The following TRIM5 variants were observed in gnomAD, a reference collection of about 807,000 sequenced individuals.
TRIM5 encodes tripartite motif-containing protein 5.
In TRIM5, 31 loss-of-function variants were observed where a neutral mutation model predicts 35.6. The ratio of observed to expected loss-of-function variants is 0.87; its 90% CI spans 0.65 to 1.18. The LOEUF (loss-of-function observed/expected upper bound fraction) is 1.18. Ranked by LOEUF, TRIM5 falls within the 50% of genes most tolerant of loss-of-function variation. The pLI, the probability that TRIM5 is intolerant of heterozygous loss-of-function variation, is 0.00. For missense variants in TRIM5, 609 were observed against 591.6 expected, an observed-to-expected ratio of 1.03 and a Z score of -0.31; for synonymous variants, 243 against 215.6, an observed-to-expected ratio of 1.13 and a Z score of -1.11.
At chr11:5,599,377 A>G in the TRIM5 span, among the ~76,000 whole-genome samples, 1 of 134,702 alleles carries the variant, frequency 7.4e-6, no homozygotes. Context: ...TACCAATACA[A>G]TTATTATATT....
At chr11:5,605,371 CAG>C in the TRIM5 span, 3 of 1,614,152 alleles carry the variant, frequency 1.9e-6, no homozygotes, top group African/African-American at 1.3e-5. Context: ...AGGATCCAGA[CAG>C]AGTTTAATCA....
the TRIM5 span, among the ~76,000 whole-genome samples, chr11:5,652,858 T>TTTTTC: frequency 2.8e-5 from 4 of 143,092 alleles, no homozygotes; most frequent in Non-Finnish European, 6.1e-5. Context: ...TTTTCTTTTT[T>TTTTTC]TTTTTTTTTT....
chr11:5,678,643 G>A (rs1373808381), intron 3 of TRIM5, among the ~76,000 whole-genome samples: 1 of 152,142 alleles, frequency 6.6e-6, no homozygotes, highest in Non-Finnish European at 1.5e-5. Context: ...GGTTCATCCT[G>A]CATCAAAATG....
intron 1 of TRIM5, among the ~76,000 whole-genome samples, chr11:5,684,487 A>T (rs565385121): frequency 6.6e-6 from 1 of 152,362 alleles, no homozygotes; most frequent in East Asian, 1.9e-4. Context: ...TCACAGAGCC[A>T]GGCCAAGGTG....
At chr11:5,641,132 T>C in the TRIM5 span, 10 of 1,611,142 alleles carry the variant, frequency 6.2e-6, no homozygotes, top group Non-Finnish European at 8.5e-6. Context: ...CCAGTCTTTA[T>C]ACACTTTGAC....
chr11:5,653,616 T>C, the TRIM5 span, among the ~76,000 whole-genome samples: 1 of 151,182 alleles, frequency 6.6e-6, no homozygotes, highest in Admixed American at 6.6e-5. Context: ...CTCAGCCTCC[T>C]GAGTGGCTGG....
downstream of TRIM5, among the ~76,000 whole-genome samples, chr11:5,662,987 G>A (rs1268327090): frequency 6.6e-6 from 1 of 152,096 alleles, no homozygotes; most frequent in Non-Finnish European, 1.5e-5. Flanking sequence ...AAAATAACCA[G>A]GGCGTGGTGG....
chr11:5,613,714 C>CTT, the TRIM5 span, among the ~76,000 whole-genome samples: 3 of 152,186 alleles, frequency 2.0e-5, no homozygotes, highest in Admixed American at 2.0e-4. Context: ...AGTAAATTTA[C>CTT]TTTCCAAGTG....
intron 7 of TRIM5, 83 bp downstream of exon 7, chr11:5,665,573 T>C (rs753611613): frequency 8.2e-6 from 13 of 1,584,656 alleles, no homozygotes; most frequent in Admixed American, 3.9e-5. Context: ...ATGAGCCTAA[T>C]AGAGAACATA....
the TRIM5 span, among the ~76,000 whole-genome samples, chr11:5,593,119 T>A: frequency 6.6e-6 from 1 of 152,066 alleles, no homozygotes; most frequent in African/African-American, 2.4e-5. Context: ...GAACAAGAGG[T>A]GTTTCTCCCT....
At chr11:5,641,123 C>T in the TRIM5 span, 1 of 1,598,136 alleles carries the variant, frequency 6.3e-7, no homozygotes, top group Non-Finnish European at 8.5e-7. Context: ...AGTCTTACAC[C>T]AGTCTTTATA....
chr11:5,619,565 C>T, the TRIM5 span, among the ~76,000 whole-genome samples: 1 of 151,164 alleles, frequency 6.6e-6, no homozygotes, highest in South Asian at 2.1e-4. Flanking sequence ...GGGGCGGGGC[C>T]CTAAGTCTAG....
the TRIM5 span, among the ~76,000 whole-genome samples, chr11:5,598,445 A>AT: frequency 1.3e-5 from 2 of 152,238 alleles, no homozygotes; most frequent in Non-Finnish European, 2.9e-5. Context: ...GGAAAAAGAC[A>AT]TATAATGAAC....
At chr11:5,603,598 C>T in the TRIM5 span, 1 of 1,613,830 alleles carries the variant, frequency 6.2e-7, no homozygotes, top group Non-Finnish European at 8.5e-7. Context: ...GAAAGCAGTT[C>T]TTTGTGCAGA....
intron 6 of TRIM5, 98 bp downstream of exon 6, chr11:5,665,883 C>A: frequency 7.5e-7 from 1 of 1,325,122 alleles, no homozygotes; most frequent in East Asian, 2.4e-5. Context: ...CCTCCCCTAT[C>A]CCCTCTATCC....
chr11:5,679,621 C>A (rs1852270642), intron 2 of TRIM5, 140 bp downstream of exon 2: 1 of 896,116 alleles, frequency 1.1e-6, no homozygotes, highest in African/African-American at 1.7e-5. Flanking sequence ...CTTAAAGCCT[C>A]AGAAGTTAAG....
At chr11:5,590,733 C>G in the TRIM5 span, 1 of 152,334 alleles carries the variant, frequency 6.6e-6, no homozygotes, top group South Asian at 2.1e-4. Context: ...ACCTTCCACA[C>G]TGTGGAAGCT....
intron 4 of TRIM5, among the ~76,000 whole-genome samples, chr11:5,672,533 C>T (rs551175654): frequency 6.6e-6 from 1 of 152,132 alleles, no homozygotes; most frequent in South Asian, 2.1e-4. Flanking sequence ...TATTTCTTCC[C>T]AAAAATAGTT....
At chr11:5,630,273 T>C in the TRIM5 span, among the ~76,000 whole-genome samples, 1 of 152,180 alleles carries the variant, frequency 6.6e-6, no homozygotes, top group African/African-American at 2.4e-5. Flanking sequence ...AAGAAAGGAC[T>C]TAAGCCTAAT....
Sources: gnomAD v4.1 joint callset for allele counts (sites outside exome capture counted in the v4.1 genomes callset) on GRCh38, gnomAD v4.1.1 for gene constraint, MANE v1.5 for transcripts, NCBI Gene and HGNC (gene_info 2026-07-23, HGNC 2026-07-21) for gene names.